TMEM121: variants seen among roughly 807,000 people sequenced by gnomAD.
TMEM121 encodes the protein transmembrane protein 121, also known as transmembrane protein 121A.
In TMEM121, 8 loss-of-function variants were observed where a neutral mutation model predicts 16.4. The observed-to-expected ratio is 0.49, with a 90% CI of 0.29 to 0.88. The LOEUF (loss-of-function observed/expected upper bound fraction) is 0.88. Among genes scored for constraint, TMEM121 ranks in the 40% least tolerant of loss-of-function variants. The pLI is 0.09. For synonymous variants in TMEM121, 235 were observed against 226.2 expected (o/e 1.04, Z -0.35); for missense variants, 401 against 462.0 (o/e 0.87, Z 1.21).
intron 1 of TMEM121, among the ~76,000 whole-genome samples, chr14:105,527,757 G>T (rs1418525357): frequency 6.6e-6 from 1 of 151,998 alleles, no homozygotes; most frequent in Non-Finnish European, 1.5e-5. Context: ...GCTGTGGAGG[G>T]GGTGAGGGGC....
In TMEM121 at chr14:105,529,170, G is replaced by T; in HGVS notation, c.336G>T (p.Ala112=). Residue 112 remains alanine, a synonymous_variant, in exon 2 of 2, where the codon GCG becomes GCT. Coordinates refer to ENST00000392519, the MANE Select transcript of TMEM121 (RefSeq NM_025268.4). ...CGGCGGACCCCGTGGCGCGCAAGGC[G>T]CTGACGCTGCTGCTGTCTGTGTGTG... is the stretch of plus-strand genomic sequence containing the variant. The part of the protein sequence containing the change: ...RGAADPVARK[A]LTLLLSVCVP... 6.3e-7 allele frequency: 1 copy of T among 1,587,602 alleles called. No homozygotes were observed. Among genetic ancestry groups the T allele is most frequent in the Non-Finnish European group, 8.5e-7 (1 of 1,169,616 alleles).
Position 105,528,263 on chromosome 14 carries a change from T to C in TMEM121, c.-113-459T>C, listed in dbSNP as rs751518601. The stretch of plus-strand genomic sequence containing the variant: ...AAAGCCTGGGAGGGCCGAGGCCTCC[T>C]TGGGTACTCCAAGAGCGGAGGGGCA... On this transcript the variant is annotated intron_variant, in intron 1 of 1. Coordinates refer to ENST00000392519, the MANE Select transcript of TMEM121 (RefSeq NM_025268.4). Among the ~76,000 whole-genome samples the C allele has an allele frequency of 7.9e-5, 12 of 151,578 alleles. 1 individual carries two copies. The highest frequency in any genetic ancestry group is 2.0e-4 in the African/African-American group (8 of 41,014).
At position 105,529,269 on chromosome 14, in the gene TMEM121, C is replaced by T. The variant is rs1290639043; in HGVS notation, c.435C>T (p.Asp145=). The T allele has an allele frequency of 6.5e-7, 1 of 1,545,878 alleles. No individual in the cohort carries two copies. Among genetic ancestry groups the T allele is most frequent in the Non-Finnish European group, 8.7e-7 (1 of 1,149,168 alleles). ...TGCGCACCTTCCGCAAGCGCGAGGA[C>T]CTGCGCGGCCGCCTGTTTTGGGTGG... is the stretch of plus-strand genomic sequence containing the variant. ...EYVRTFRKRE[D]LRGRLFWVAL... is the part of the protein sequence containing the mutation. Residue 145 remains aspartate (D), a synonymous_variant, in exon 2 of 2, where the codon GAC becomes GAT. Transcript: ENST00000392519.
At chr14:105,527,472 G>A (rs2084597895) in intron 1 of TMEM121, 1 of 152,474 alleles carries the variant, frequency 6.6e-6, no homozygotes, top group African/African-American at 2.4e-5. Flanking sequence ...AGCGCGGGGA[G>A]GCTTGGAGGC....
In TMEM121 at chr14:105,529,898, G is replaced by T. The variant is rs1480597364; in HGVS notation, c.*104G>T. ...TGGGGTGGGGGCGGGCTCCCCTAGGGACAGGTGCCTCGAGTGCCCGTGCCT... is the reference window on the plus strand; with the variant it reads ...TGGGGTGGGGGCGGGCTCCCCTAGGTACAGGTGCCTCGAGTGCCCGTGCCT... On this transcript the variant is annotated 3_prime_UTR_variant, in exon 2 of 2. Coordinates refer to ENST00000392519, the MANE Select transcript of TMEM121 (RefSeq NM_025268.4). 1.1e-5 allele frequency: 13 copies of T among 1,184,926 alleles called. No homozygotes were observed. The highest frequency in any genetic ancestry group is 1.6e-5 in the African/African-American group (1 of 61,288). The allele number at this position is 1,184,926 out of a possible 1,614,324, so 73.4% of individuals were successfully genotyped here.
chr14:105,528,622 A>C (rs1595493564), intron 1 of TMEM121, 100 bp from the exon 2 acceptor site: 4 of 292,596 alleles, frequency 1.4e-5, no homozygotes, highest in Non-Finnish European at 1.0e-5. Context: ...CGGCGCGGAG[A>C]CCGCGCCTGG....
Position 105,528,851 on chromosome 14 carries a change from C to T in TMEM121, c.17C>T (p.Pro6Leu), listed in dbSNP as rs1555444091. MVLPP[P>L]DRRHVCLTTL... ...CGGCCGACCATGGTGCTGCCGCCCC[C>T]GGACCGGCGCCACGTGTGCCTGACC... is the stretch of plus-strand genomic sequence containing the variant. The change falls in exon 2 of 2, where the codon CCG (proline) becomes CTG (leucine). Residue 6 changes from proline to leucine, a missense_variant. Physicochemically the swap from Pro to Leu is moderately conservative, Grantham distance 98 (BLOSUM62 -3). Transcript: ENST00000392519. 2 of 1,538,252 alleles carry T rather than the reference C, an allele frequency of 1.3e-6. No homozygotes were observed. The highest frequency in any genetic ancestry group is 1.8e-6 in the Non-Finnish European group (2 of 1,141,702).
At position 105,529,416 on chromosome 14, in the gene TMEM121, G is replaced by A; in HGVS notation, c.582G>A (p.Leu194=). 4 of 1,545,398 alleles carry A rather than the reference G, an allele frequency of 2.6e-6. No homozygotes were observed. The South Asian group carries it at 4.8e-5, about 18-fold the overall frequency. The part of the protein sequence containing the change: ...FFYCYMLLLV[L]PCVALSEVSM... ...ACTGCTACATGCTGCTGCTGGTGCTGCCGTGCGTGGCGCTCAGCGAGGTCA... is the reference window on the plus strand; with the variant it reads ...ACTGCTACATGCTGCTGCTGGTGCTACCGTGCGTGGCGCTCAGCGAGGTCA... The change falls in exon 2 of 2, where the codon CTG becomes CTA. Residue 194 remains leucine, a synonymous_variant. Transcript: ENST00000392519.
chr14:105,527,485 G>A (rs1306223810), intron 1 of TMEM121: 4 of 152,242 alleles, frequency 2.6e-5, no homozygotes, highest in African/African-American at 4.8e-5. Context: ...TTGGAGGCAG[G>A]GGCATGGGCT....
At position 105,529,882 on chromosome 14, in the gene TMEM121, G is replaced by A; in HGVS notation, c.*88G>A. 1 of 1,277,792 alleles carries A rather than the reference G, an allele frequency of 7.8e-7. No homozygotes were observed. Among genetic ancestry groups the A allele is most frequent in the Non-Finnish European group, 1.0e-6 (1 of 984,114 alleles). 79.2% of individuals were successfully genotyped at this position (1,277,792 alleles called of 1,614,324 possible). ...CGCGGTTTGCATGGGATGGGGTGGG[G>A]GCGGGCTCCCCTAGGGACAGGTGCC... On this transcript the variant is annotated 3_prime_UTR_variant, in exon 2 of 2. Transcript: ENST00000392519.
intron 1 of TMEM121, among the ~76,000 whole-genome samples, chr14:105,528,464 A>G (rs1453789143): frequency 3.3e-5 from 5 of 151,952 alleles, no homozygotes; most frequent in African/African-American, 9.7e-5. Context: ...CTCGGCGGGC[A>G]GAAAACGCGT....
Position 105,529,410 on chromosome 14 carries a change from G to A in TMEM121, c.576G>A (p.Leu192=). The A allele has an allele frequency of 6.5e-7, 1 of 1,545,280 alleles. No homozygotes were observed. The highest frequency in any genetic ancestry group is 1.2e-5 in the South Asian group (1 of 84,028). ...TCTTCTACTGCTACATGCTGCTGCT[G>A]GTGCTGCCGTGCGTGGCGCTCAGCG... The part of the protein sequence containing the change: ...LTFFYCYMLL[L]VLPCVALSEV... The change falls in exon 2 of 2, where the codon CTG becomes CTA. Residue 192 remains leucine (L), a synonymous_variant. Coordinates refer to ENST00000392519, the MANE Select transcript of TMEM121 (RefSeq NM_025268.4).
Position 105,529,053 on chromosome 14 carries a change from C to T in TMEM121, c.219C>T (p.Gly73=), listed in dbSNP as rs1255982998. The T allele has an allele frequency of 1.2e-6, 2 of 1,612,348 alleles. No homozygotes were observed. The highest frequency in any genetic ancestry group is 1.7e-5 in the Admixed American group (1 of 59,958). ...CCGAGGTGCGCACGGCCAAGCGCGG[C>T]TACGCCATGATCCTGTGGTTCCTTT... The part of the protein sequence containing the change: ...VGAEVRTAKR[G]YAMILWFLYI... The change falls in exon 2 of 2, where the codon GGC becomes GGT. Residue 73 remains glycine (G), a synonymous_variant. Transcript: ENST00000392519.
chr14:105,528,705 T>G lies in TMEM121; in HGVS notation c.-113-17T>G. On this transcript the variant is annotated splice_polypyrimidine_tract_variant and intron_variant, in intron 1 of 1. Coordinates refer to ENST00000392519, the MANE Select transcript of TMEM121 (RefSeq NM_025268.4). ...CTCCAGCCCGCACCCTGATCTTGTC[T>G]CCTCCGGTCTCCCCAGGTTTCGAGC... is the stretch of plus-strand genomic sequence containing the variant. The G allele has an allele frequency of 4.4e-6, 4 of 919,288 alleles. 1 individual carries two copies. Among genetic ancestry groups the G allele is most frequent in the Non-Finnish European group, 5.5e-6 (4 of 732,564 alleles). The allele number at this position is 919,288 out of a possible 1,614,324, so 56.9% of individuals were successfully genotyped here. A position where few individuals can be genotyped will look rare whatever the true frequency, so the allele number is the denominator to read the frequency against.
Position 105,529,966 on chromosome 14 carries a change from C to G in TMEM121, c.*172C>G. Reference sequence around the variant, plus strand: ...TCTTCATCTCAGGAATCTCTCGGACCGCGGATCCTCAGCCCCCGCTCCACC... The same window carrying G: ...TCTTCATCTCAGGAATCTCTCGGACGGCGGATCCTCAGCCCCCGCTCCACC... On this transcript the variant is annotated 3_prime_UTR_variant, in exon 2 of 2. Coordinates refer to ENST00000392519, the MANE Select transcript of TMEM121 (RefSeq NM_025268.4). 1.6e-6 allele frequency: 1 copy of G among 638,156 alleles called. No individual in the cohort carries two copies. The highest frequency in any genetic ancestry group is 2.5e-6 in the Non-Finnish European group (1 of 402,104). The allele number at this position is 638,156 out of a possible 1,614,324, so 39.5% of individuals were successfully genotyped here. A position where few individuals can be genotyped will look rare whatever the true frequency, so the allele number is the denominator to read the frequency against.
chr14:105,528,757 G>T lies in TMEM121; in HGVS notation c.-78G>T, dbSNP rs1309835277. On this transcript the variant is annotated 5_prime_UTR_variant, in exon 2 of 2. Coordinates refer to ENST00000392519, the MANE Select transcript of TMEM121 (RefSeq NM_025268.4). ...CGCCGGGCCGTGTCGCGCCATGCCC[G>T]CTGGCTGAGCGCCGCAGGGCCTCGT... is the stretch of plus-strand genomic sequence containing the variant. 3 of 1,175,220 alleles carry T rather than the reference G, an allele frequency of 2.6e-6. No homozygotes were observed. Among genetic ancestry groups the T allele is most frequent in the African/African-American group, 3.2e-5 (2 of 62,086 alleles). The allele number at this position is 1,175,220 out of a possible 1,614,324, so 72.8% of individuals were successfully genotyped here.
At chr14:105,528,171 G>A (rs1284835393) in intron 1 of TMEM121, among the ~76,000 whole-genome samples, 1 of 151,704 alleles carries the variant, frequency 6.6e-6, no homozygotes, top group African/African-American at 2.4e-5. Context: ...GGGCAGGGGC[G>A]GGGAGGCTCG....
intron 1 of TMEM121, among the ~76,000 whole-genome samples, chr14:105,528,136 A>G (rs2084604136): frequency 6.6e-6 from 1 of 151,538 alleles, no homozygotes; most frequent in African/African-American, 2.4e-5. Context: ...CTGCCCGTGC[A>G]GGGAGGAGGG....
At chr14:105,527,125 C>A (rs1185936552) in intron 1 of TMEM121, 2 of 152,410 alleles carry the variant, frequency 1.3e-5, no homozygotes, top group African/African-American at 4.8e-5. Flanking sequence ...CCGGGCCGGG[C>A]TCTGGCTTGC....
Sources: gnomAD v4.1 joint callset for allele counts (sites outside exome capture counted in the v4.1 genomes callset) on GRCh38, gnomAD v4.1.1 for gene constraint, MANE v1.5 for transcripts, NCBI Gene and HGNC (gene_info 2026-07-23, HGNC 2026-07-21) for gene names.